REPS1: variants seen among roughly 807,000 people sequenced by gnomAD.
REPS1 encodes the protein RALBP1 associated Eps domain containing 1.
REPS1 carries 39 observed loss-of-function variants against 100.9 expected under a neutral mutation model. That is an observed-to-expected ratio of 0.39 (90% confidence interval 0.30 to 0.50). The LOEUF (loss-of-function observed/expected upper bound fraction) is 0.50, where lower values mean the gene tolerates loss of function less well. Among genes scored for constraint, REPS1 ranks in the 20% least tolerant of loss-of-function variants. REPS1 has a pLI of 0.86. For synonymous variants in REPS1, 324 were observed against 340.3 expected (o/e 0.95, Z 0.53); for missense variants, 821 against 968.5 (o/e 0.85, Z 2.02).
At chr6:138,937,844 C>A (rs1377343271) in intron 8 of REPS1, among the ~76,000 whole-genome samples, 1 of 152,152 alleles carries the variant, frequency 6.6e-6, no homozygotes. Context: ...CAAAAGTGAT[C>A]CAGTTCCTAC....
chr6:138,938,333 T>C (rs1781996222), intron 8 of REPS1, among the ~76,000 whole-genome samples: 1 of 152,240 alleles, frequency 6.6e-6, no homozygotes, highest in Non-Finnish European at 1.5e-5. Context: ...TCCAAGGAGC[T>C]GTAACTCAAA....
At chr6:138,913,873 C>G (rs550657373) in intron 15 of REPS1, among the ~76,000 whole-genome samples, 1 of 152,310 alleles carries the variant, frequency 6.6e-6, no homozygotes, top group South Asian at 2.1e-4. Flanking sequence ...CTTTATCTTT[C>G]AAGTCCCTGC....
At chr6:138,971,935 G>C (rs144179090) in intron 1 of REPS1, among the ~76,000 whole-genome samples, 1 of 152,152 alleles carries the variant, frequency 6.6e-6, no homozygotes, top group Non-Finnish European at 1.5e-5. Flanking sequence ...AAAAGCTGCC[G>C]ATGTTTTCTA....
intron 8 of REPS1, among the ~76,000 whole-genome samples, chr6:138,930,996 G>C (rs1040469644): frequency 1.3e-5 from 2 of 152,060 alleles, no homozygotes; most frequent in African/African-American, 2.4e-5. Context: ...AAATTTCAAA[G>C]GTCACTAAAC....
At chr6:138,951,755 A>T (rs1458333788) in intron 1 of REPS1, among the ~76,000 whole-genome samples, 1 of 152,210 alleles carries the variant, frequency 6.6e-6, no homozygotes. Context: ...TATCTGAAAT[A>T]AGCTAGGTTT....
At chr6:138,960,261 T>TG (rs1783652618) in intron 1 of REPS1, among the ~76,000 whole-genome samples, 5 of 152,180 alleles carry the variant, frequency 3.3e-5, no homozygotes, top group Admixed American at 3.3e-4. Context: ...GGTTCAATGT[T>TG]GTAGACTCTA....
At position 138,969,859 on chromosome 6, in the gene REPS1, A is replaced by AT. The variant is rs56070030; in HGVS notation, c.153+17670dup. ...AAGAAAGAGGTTACTGTGAATTGGG[A>AT]TTTTTTTTTTTTTTTTTTTTTTTTT... On this transcript the variant is annotated intron_variant, in intron 1 of 19. Transcript: ENST00000450536. 2.7e-3 allele frequency among the ~76,000 whole-genome samples: 252 copies of AT among 94,620 alleles called. 7 individuals are homozygous for AT. Among genetic ancestry groups the AT allele is most frequent in the South Asian group, 5.3e-3 (12 of 2,254 alleles). 62.1% of individuals were successfully genotyped at this position (94,620 alleles called of 152,430 possible).
intron 8 of REPS1, among the ~76,000 whole-genome samples, chr6:138,940,645 C>A (rs1364111225): frequency 1.3e-5 from 2 of 151,656 alleles, no homozygotes; most frequent in African/African-American, 4.8e-5. Flanking sequence ...CTTAAGGAGG[C>A]TGAGGCAGGA....
At position 138,908,781 on chromosome 6, in the gene REPS1, T is replaced by C; in HGVS notation, c.2103A>G (p.Lys701=). 1 of 1,614,066 alleles carries C rather than the reference T, an allele frequency of 6.2e-7. No homozygotes were observed. Among genetic ancestry groups the C allele is most frequent in the Non-Finnish European group, 8.5e-7 (1 of 1,179,986 alleles). Residue 701 remains lysine, a synonymous_variant, in exon 18 of 20, where the codon AAA becomes AAG. Coordinates refer to ENST00000450536, the MANE Select transcript of REPS1 (RefSeq NM_001286611.2). ...CTGATTTTAATCTTCTTCGAACAGG[T>C]TTAGGTGGTGGAGCAAGTGGTGTTG... ...KGTTPLAPPP[K]PVRRRLKSED... is the part of the protein sequence containing the mutation.
chr6:138,922,611 C>T (rs573599414), intron 10 of REPS1, among the ~76,000 whole-genome samples: 2 of 152,248 alleles, frequency 1.3e-5, no homozygotes, highest in Non-Finnish European at 2.9e-5. Flanking sequence ...ACTCCCAGGG[C>T]AGAAACCAGA....
At chr6:138,935,856 C>CGGGGGGGGGGGG (rs1449985583) in intron 8 of REPS1, among the ~76,000 whole-genome samples, 2 of 2,196 alleles carry the variant, frequency 9.1e-4, no homozygotes, top group African/African-American at 1.7e-3. Context: ...TCCATCTTGG[C>CGGGGGGGGGGGG]GGGGGGGGGG....
At chr6:138,937,223 CAT>C (rs1285770022) in intron 8 of REPS1, among the ~76,000 whole-genome samples, 1 of 152,084 alleles carries the variant, frequency 6.6e-6, no homozygotes, top group African/African-American at 2.4e-5. Flanking sequence ...CTCCCACAAA[CAT>C]AAGAATTCAA....
At chr6:138,940,868 G>C (rs1582785208) in intron 8 of REPS1, among the ~76,000 whole-genome samples, 2 of 152,016 alleles carry the variant, frequency 1.3e-5, no homozygotes, top group East Asian at 3.9e-4. Context: ...AGAAAGTCCA[G>C]ATTTCTTTAG....
chr6:138,920,873 C>A (rs1302100993), intron 11 of REPS1, among the ~76,000 whole-genome samples, 164 bp downstream of exon 11: 1 of 152,090 alleles, frequency 6.6e-6, no homozygotes, highest in Non-Finnish European at 1.5e-5. Flanking sequence ...AAATAAATTC[C>A]TTTTAAAAAC....
intron 8 of REPS1, among the ~76,000 whole-genome samples, chr6:138,940,983 G>A (rs1463286752): frequency 3.3e-5 from 5 of 152,064 alleles, no homozygotes; most frequent in African/African-American, 1.2e-4. Context: ...ATGTATTAAA[G>A]AGAAAAATGT....
At chr6:138,982,130 G>A (rs749974944) in intron 1 of REPS1, among the ~76,000 whole-genome samples, 4 of 152,136 alleles carry the variant, frequency 2.6e-5, no homozygotes, top group Non-Finnish European at 4.4e-5. Context: ...CACTACTCCA[G>A]AATAACAAAC....
chr6:138,913,967 A>G lies in REPS1; in HGVS notation c.1785+730T>C, dbSNP rs569051647. Among the ~76,000 whole-genome samples, 3 of 152,344 alleles carry G rather than the reference A, an allele frequency of 2.0e-5. No individual in the cohort carries two copies. In the East Asian group the frequency reaches 5.8e-4, roughly 29 times the overall value. On this transcript the variant is annotated intron_variant, in intron 15 of 19. Transcript: ENST00000450536. Reference sequence around the variant, plus strand: ...GTCCCAAAGCATTTTATAAATGTCTACTACAGCACTCTAATTTTGATGTGG... The same window carrying G: ...GTCCCAAAGCATTTTATAAATGTCTGCTACAGCACTCTAATTTTGATGTGG...
chr6:138,922,278 A>T (rs549697141), intron 10 of REPS1, among the ~76,000 whole-genome samples: 85 of 152,318 alleles, frequency 5.6e-4, no homozygotes, highest in African/African-American at 1.9e-3. Context: ...GGATTAATTC[A>T]AAGTGTTTAA....
rs374276779 is a variant in REPS1, at chr6:138,930,868, C to A, written c.1136-770G>T. Among the ~76,000 whole-genome samples the A allele has an allele frequency of 5.9e-5, 9 of 152,282 alleles. No homozygotes were observed. In the South Asian group the frequency reaches 1.7e-3, roughly 28 times the overall value. ...CTTACAGACTTAACTGAGATAGTTA[C>A]AAATCCATTATACTATTTCAAAATG... On this transcript the variant is annotated intron_variant, in intron 8 of 19. Coordinates refer to ENST00000450536, the MANE Select transcript of REPS1 (RefSeq NM_001286611.2).
Sources: gnomAD v4.1 joint callset for allele counts (sites outside exome capture counted in the v4.1 genomes callset) on GRCh38, gnomAD v4.1.1 for gene constraint, MANE v1.5 for transcripts, NCBI Gene and HGNC (gene_info 2026-07-23, HGNC 2026-07-21) for gene names.